Variants in GNB1 observed in about 807,000 individuals in gnomAD.
GNB1 encodes G protein subunit beta 1, also known as guanine nucleotide-binding protein G(I)/G(S)/G(T) subunit beta-1.
Under a neutral mutation model 42.9 loss-of-function variants are expected in GNB1, and 2 were observed. The ratio of observed to expected loss-of-function variants is 0.05; its 90% CI spans 0.02 to 0.15. The LOEUF (loss-of-function observed/expected upper bound fraction) is 0.15. Ranked by LOEUF, GNB1 falls within the 10% of genes least tolerant of loss-of-function variation. The pLI is 1.00. For missense variants in GNB1, 193 were observed against 462.2 expected (o/e 0.42, Z 5.34); for synonymous variants, 183 against 174.7 (o/e 1.05, Z -0.38).
At chr1:1,832,751 C>T (rs1466386178) in intron 2 of GNB1, among the ~76,000 whole-genome samples, 1 of 152,184 alleles carries the variant, frequency 6.6e-6, no homozygotes, top group East Asian at 1.9e-4. Context: ...TAACAACATT[C>T]AGGCTGCAAG....
At chr1:1,872,968 C>T (rs1237380562) in intron 1 of GNB1, among the ~76,000 whole-genome samples, 1 of 152,106 alleles carries the variant, frequency 6.6e-6, no homozygotes, top group Non-Finnish European at 1.5e-5. Flanking sequence ...ATAGGAAAGG[C>T]TGTGATGAAA....
intron 1 of GNB1, among the ~76,000 whole-genome samples, chr1:1,862,961 G>C (rs980932752): frequency 6.6e-6 from 1 of 152,150 alleles, no homozygotes; most frequent in African/African-American, 2.4e-5. Context: ...ACACAAGAGG[G>C]AAAACCAAAC....
chr1:1,828,551 ATAACT>A (rs1647030565), intron 2 of GNB1, among the ~76,000 whole-genome samples: 1 of 152,204 alleles, frequency 6.6e-6, no homozygotes. Flanking sequence ...TGAGCTCAAT[ATAACT>A]TAGTGACCTC....
intron 1 of GNB1, among the ~76,000 whole-genome samples, chr1:1,876,021 G>T (rs1203113948): frequency 6.6e-6 from 1 of 152,116 alleles, no homozygotes; most frequent in East Asian, 1.9e-4. Context: ...AACAGAGGTA[G>T]AGAGTGACTC....
chr1:1,835,754 A>G (rs1193632119), intron 2 of GNB1, among the ~76,000 whole-genome samples: 3 of 151,976 alleles, frequency 2.0e-5, no homozygotes, highest in Non-Finnish European at 4.4e-5. Flanking sequence ...GCTGGATCAT[A>G]CTACAGGTGT....
chr1:1,844,201 A>C (rs1260968241), intron 1 of GNB1, among the ~76,000 whole-genome samples: 1 of 151,552 alleles, frequency 6.6e-6, no homozygotes, highest in Non-Finnish European at 1.5e-5. Context: ...TCTCAAAAAA[A>C]AATTAAAATA....
chr1:1,819,763 G>T lies in GNB1; in HGVS notation c.58-1888C>A, dbSNP rs893311516. Among the ~76,000 whole-genome samples, 10 of 145,546 alleles carry T rather than the reference G, an allele frequency of 6.9e-5. No homozygotes were observed. The East Asian group carries it at 2.0e-3, about 29-fold the overall frequency. The stretch of plus-strand genomic sequence containing the variant: ...CGTCATGTTGCCTGTGGCTGGTCTT[G>T]AACTCCTGGGCTCAAATGATCCTTC... On this transcript the variant is annotated intron_variant, in intron 3 of 11. Transcript: ENST00000378609.
intron 7 of GNB1, among the ~76,000 whole-genome samples, chr1:1,802,535 G>A (rs1214730796): frequency 3.3e-5 from 5 of 152,084 alleles, no homozygotes; most frequent in South Asian, 2.1e-4. Context: ...TTGGGAGGCC[G>A]AGGCAGGCAG....
chr1:1,829,742 T>C (rs1303931252), intron 2 of GNB1, among the ~76,000 whole-genome samples: 1 of 152,156 alleles, frequency 6.6e-6, no homozygotes, highest in Admixed American at 6.5e-5. Context: ...AGCCATCTTT[T>C]TTCTTTTTTT....
chr1:1,818,591 G>A (rs1245594525), intron 3 of GNB1, among the ~76,000 whole-genome samples: 1 of 152,198 alleles, frequency 6.6e-6, no homozygotes, highest in Admixed American at 6.5e-5. Context: ...GGCTGGGTGT[G>A]GTGGCTGACA....
intron 6 of GNB1, among the ~76,000 whole-genome samples, chr1:1,806,120 G>A (rs1646692639): frequency 6.6e-6 from 1 of 152,152 alleles, no homozygotes; most frequent in Non-Finnish European, 1.5e-5. Flanking sequence ...CTAAAAACTT[G>A]TAACTGAATG....
chr1:1,808,170 A>G (rs1646727388), intron 5 of GNB1, among the ~76,000 whole-genome samples: 2 of 151,806 alleles, frequency 1.3e-5, no homozygotes, highest in African/African-American at 4.8e-5. Flanking sequence ...ACAGCCAGCT[A>G]ATTTTGTATT....
At chr1:1,888,050 G>C (rs1650251912) in intron 1 of GNB1, among the ~76,000 whole-genome samples, 1 of 152,148 alleles carries the variant, frequency 6.6e-6, no homozygotes, top group Non-Finnish European at 1.5e-5. Flanking sequence ...ATTAACTGAA[G>C]ATATCAAAGA....
chr1:1,789,401 C>T, intron 9 of GNB1, 132 bp from the exon 10 acceptor site: 1 of 638,770 alleles, frequency 1.6e-6, no homozygotes, highest in Non-Finnish European at 2.8e-6. Flanking sequence ...CTGGTAAGAA[C>T]AGAGGGCTGG....
chr1:1,841,913 G>A (rs2101239833), intron 1 of GNB1, among the ~76,000 whole-genome samples: 1 of 152,344 alleles, frequency 6.6e-6, no homozygotes, highest in Non-Finnish European at 1.5e-5. Context: ...CTTAGCAGCA[G>A]TACTCAGCAG....
At chr1:1,868,671 TACTC>T (rs1306093358) in intron 1 of GNB1, among the ~76,000 whole-genome samples, 1 of 151,564 alleles carries the variant, frequency 6.6e-6, no homozygotes, top group Non-Finnish European at 1.5e-5. Flanking sequence ...TAATCCCAGT[TACTC>T]AGGAGGCTGA....
intron 2 of GNB1, among the ~76,000 whole-genome samples, chr1:1,837,706 G>A (rs1000480526): frequency 1.3e-5 from 2 of 151,288 alleles, no homozygotes; most frequent in African/African-American, 4.9e-5. Flanking sequence ...CTACAGGGGC[G>A]TGCCACCACA....
intron 1 of GNB1, among the ~76,000 whole-genome samples, chr1:1,885,626 G>A (rs527258744): frequency 2.1e-5 from 3 of 139,914 alleles, no homozygotes; most frequent in East Asian, 2.2e-4. Flanking sequence ...GCACGATCTC[G>A]GCTCACTGCA....
chr1:1,841,430 T>A (rs985544927), intron 1 of GNB1, among the ~76,000 whole-genome samples: 12 of 152,224 alleles, frequency 7.9e-5, no homozygotes, highest in African/African-American at 2.9e-4. Context: ...TCCGCCTGTT[T>A]CAGCCTCCGA....
Sources: allele counts gnomAD v4.1 joint callset (sites outside exome capture counted in the v4.1 genomes callset), GRCh38; gene constraint gnomAD v4.1.1; transcripts MANE v1.5; gene names NCBI Gene and HGNC (gene_info 2026-07-23, HGNC 2026-07-21).